GFOD1: variants seen among roughly 807,000 people sequenced by gnomAD.
GFOD1 encodes Gfo/Idh/MocA-like oxidoreductase domain containing 1.
In GFOD1, 9 loss-of-function variants were observed where a neutral mutation model predicts 25.4. The ratio of observed to expected loss-of-function variants is 0.35; its 90% CI spans 0.21 to 0.62. The LOEUF (loss-of-function observed/expected upper bound fraction) is 0.62, where lower values mean the gene tolerates loss of function less well. GFOD1 is among the 20% of genes least tolerant of loss of function. The probability of loss-of-function intolerance (pLI) is 0.72; values close to 1 mark genes in which losing one functional copy is unlikely to be tolerated. For synonymous variants in GFOD1, 253 were observed against 245.6 expected (o/e 1.03, Z -0.28); for missense variants, 403 against 556.9 (o/e 0.72, Z 2.78).
intron 1 of GFOD1, among the ~76,000 whole-genome samples, chr6:13,450,288 G>A (rs796620745): frequency 2.0e-5 from 3 of 152,196 alleles, no homozygotes; most frequent in African/African-American, 7.2e-5. Flanking sequence ...CAGGCAGAGG[G>A]GCCCAATCCT....
chr6:13,444,122 T>C (rs953991319), intron 1 of GFOD1, among the ~76,000 whole-genome samples: 13 of 152,066 alleles, frequency 8.5e-5, no homozygotes, highest in African/African-American at 1.7e-4. Flanking sequence ...TGCTCAACAA[T>C]GGCAGACTGG....
intron 1 of GFOD1, among the ~76,000 whole-genome samples, chr6:13,460,260 C>T (rs1044302999): frequency 6.6e-6 from 1 of 152,182 alleles, no homozygotes; most frequent in Non-Finnish European, 1.5e-5. Context: ...TGTGGTGATT[C>T]CTCAAGAATC....
At chr6:13,391,615 T>G (rs994547246) in intron 1 of GFOD1, among the ~76,000 whole-genome samples, 1 of 152,156 alleles carries the variant, frequency 6.6e-6, no homozygotes, top group Non-Finnish European at 1.5e-5. Context: ...CTCCATTTTT[T>G]CTTTTCAAAA....
intron 1 of GFOD1, among the ~76,000 whole-genome samples, chr6:13,396,737 C>A (rs993493293): frequency 6.6e-6 from 1 of 152,030 alleles, no homozygotes; most frequent in African/African-American, 2.4e-5. Flanking sequence ...AGAAAGGGGT[C>A]ATGAGCCAAG....
chr6:13,459,372 A>C (rs933375313), intron 1 of GFOD1, among the ~76,000 whole-genome samples: 2 of 136,874 alleles, frequency 1.5e-5, no homozygotes, highest in Non-Finnish European at 3.3e-5. Flanking sequence ...TGGATTAAAG[A>C]CTTAAATATA....
chr6:13,406,064 G>C (rs1008632163), intron 1 of GFOD1, among the ~76,000 whole-genome samples: 8 of 152,162 alleles, frequency 5.3e-5, no homozygotes, highest in African/African-American at 9.7e-5. Flanking sequence ...CTGCTATTCA[G>C]GGAATATTAT....
chr6:13,433,681 T>C (rs1307137341), intron 1 of GFOD1, among the ~76,000 whole-genome samples: 1 of 152,176 alleles, frequency 6.6e-6, no homozygotes, highest in Non-Finnish European at 1.5e-5. Context: ...TTTTCTTTTG[T>C]CCTTCATGTT....
At chr6:13,464,878 G>A (rs1423103310) in intron 1 of GFOD1, among the ~76,000 whole-genome samples, 2 of 29,092 alleles carry the variant, frequency 6.9e-5, no homozygotes, top group East Asian at 1.4e-3. Flanking sequence ...GTGTGTGTGT[G>A]TGTGTGTGTG....
rs1341866160 is a variant in GFOD1, at chr6:13,358,086, A to G, written c.*6657T>C. On this transcript the variant is annotated 3_prime_UTR_variant, in exon 2 of 2. Coordinates refer to ENST00000379287, the MANE Select transcript of GFOD1 (RefSeq NM_018988.4). ...GCTTCCACAGTAGTTTGGCCTTAAA[A>G]ACACTAAGAACAGTTGCATTCATTG... 1.3e-5 allele frequency: 2 copies of G among 152,166 alleles called. No homozygotes were observed. The highest frequency in any genetic ancestry group is 2.9e-5 in the Non-Finnish European group (2 of 68,028). 9.4% of individuals were successfully genotyped at this position (152,166 alleles called of 1,614,324 possible). A position where few individuals can be genotyped will look rare whatever the true frequency, so the allele number is the denominator to read the frequency against.
chr6:13,457,879 T>G (rs1758219490), intron 1 of GFOD1, among the ~76,000 whole-genome samples: 1 of 152,154 alleles, frequency 6.6e-6, no homozygotes, highest in South Asian at 2.1e-4. Flanking sequence ...AAGAAGCATT[T>G]TCTATCCAGC....
intron 1 of GFOD1, among the ~76,000 whole-genome samples, chr6:13,396,460 TC>T (rs1345846874): frequency 1.3e-5 from 2 of 152,146 alleles, no homozygotes; most frequent in African/African-American, 4.8e-5. Context: ...GGTGGCCTTT[TC>T]CTAGGAGTTG....
intron 1 of GFOD1, among the ~76,000 whole-genome samples, chr6:13,444,016 C>G (rs1276279151): frequency 6.6e-6 from 1 of 151,954 alleles, no homozygotes; most frequent in Non-Finnish European, 1.5e-5. Flanking sequence ...ACGGGTATAC[C>G]CAGAGGAATC....
chr6:13,373,738 C>T (rs546068104), intron 1 of GFOD1, among the ~76,000 whole-genome samples: 1 of 121,550 alleles, frequency 8.2e-6, no homozygotes, highest in Non-Finnish European at 1.5e-5. Context: ...TTCCTGCTCC[C>T]CCAACACACA....
At chr6:13,484,171 C>T (rs1758815302) in intron 1 of GFOD1, among the ~76,000 whole-genome samples, 1 of 152,042 alleles carries the variant, frequency 6.6e-6, no homozygotes, top group Non-Finnish European at 1.5e-5. Flanking sequence ...AAGTAGGGTC[C>T]CTAGCCCCTT....
rs546074977 is a variant in GFOD1 at position 13,411,416 on chromosome 6, C to A, written c.254-45754G>T. Among the ~76,000 whole-genome samples, 4 of 152,248 alleles carry A rather than the reference C, an allele frequency of 2.6e-5. No homozygotes were observed. In the East Asian group the frequency reaches 5.8e-4, roughly 22 times the overall value. On this transcript the variant is annotated intron_variant, in intron 1 of 1. Coordinates refer to ENST00000379287, the MANE Select transcript of GFOD1 (RefSeq NM_018988.4). ...AAGTGATTCTCCTGCCTCAGCCTCC[C>A]GAGTAGCTGGGATTACAGGTGCATG...
In GFOD1 at chr6:13,407,471, C is replaced by T. The variant is rs527676803; in HGVS notation, c.254-41809G>A. ...TGTCCCCATTTTCTTCTGTATGCTG[C>T]CTACTCCCAGGCTGGCACAGAGCAG... On this transcript the variant is annotated intron_variant, in intron 1 of 1. Coordinates refer to ENST00000379287, the MANE Select transcript of GFOD1 (RefSeq NM_018988.4). Among the ~76,000 whole-genome samples, 22 of 152,304 alleles carry T rather than the reference C, an allele frequency of 1.4e-4. No individual in the cohort carries two copies. In the South Asian group the frequency reaches 3.7e-3, roughly 26 times the overall value.
At position 13,430,392 on chromosome 6, in the gene GFOD1, A is replaced by T. The variant is rs2127570058; in HGVS notation, c.253+56246T>A. On this transcript the variant is annotated intron_variant, in intron 1 of 1. Transcript: ENST00000379287. This position sits in a 1 kb window ranked among gnomAD's most constrained non-coding sequence, Gnocchi z 4.1. Reference sequence around the variant, plus strand: ...GCAGAGGTTGCAGTGATCCGAGATCACACCACTGCACTCCAGCCTGGGTGA... The same window carrying T: ...GCAGAGGTTGCAGTGATCCGAGATCTCACCACTGCACTCCAGCCTGGGTGA... 6.6e-6 allele frequency among the ~76,000 whole-genome samples: 1 copy of T among 152,214 alleles called. No individual in the cohort carries two copies. The highest frequency in any genetic ancestry group is 2.4e-5 in the African/African-American group (1 of 41,518).
intron 1 of GFOD1, among the ~76,000 whole-genome samples, chr6:13,468,681 T>C (rs1758420761): frequency 6.6e-6 from 1 of 152,146 alleles, no homozygotes; most frequent in Non-Finnish European, 1.5e-5. Flanking sequence ...CTCTGAGACT[T>C]GGTTTCCCCT....
Position 13,359,700 on chromosome 6 carries a change from G to C in GFOD1, c.*5043C>G, listed in dbSNP as rs2127553152. On this transcript the variant is annotated 3_prime_UTR_variant, in exon 2 of 2. Transcript: ENST00000379287. ...ACGGTGGATCACGCCTGTCATCCCAGCACTTTGGGAGGTCAAGGCGGGCGG... is the reference window on the plus strand; with the variant it reads ...ACGGTGGATCACGCCTGTCATCCCACCACTTTGGGAGGTCAAGGCGGGCGG... 6.6e-6 allele frequency: 1 copy of C among 152,310 alleles called. No individual in the cohort carries two copies. Among genetic ancestry groups the C allele is most frequent in the Middle Eastern group, 3.4e-3 (1 of 294 alleles). The allele number at this position is 152,310 out of a possible 1,614,324, so 9.4% of individuals were successfully genotyped here.
Sources: allele counts gnomAD v4.1 joint callset (sites outside exome capture counted in the v4.1 genomes callset), GRCh38; gene constraint gnomAD v4.1.1; non-coding constraint Gnocchi (gnomAD v3.1); transcripts MANE v1.5; gene names NCBI Gene and HGNC (gene_info 2026-07-23, HGNC 2026-07-21).